The following C3orf49 variants were observed in gnomAD, a reference collection of about 807,000 sequenced individuals.
The protein encoded by C3orf49 is chromosome 3 open reading frame 49, also known as putative uncharacterized protein C3orf49.
A neutral mutation model predicts 13.3 loss-of-function variants in C3orf49; 27 were observed. The ratio of observed to expected loss-of-function variants is 2.02; its 90% CI spans 1.49 to 2.79. The LOEUF (loss-of-function observed/expected upper bound fraction) is 2.79, where lower values mean the gene tolerates loss of function less well. C3orf49 is among the 30% of genes most tolerant of loss of function. The probability of loss-of-function intolerance (pLI) is 0.00; values close to 1 mark genes in which losing one functional copy is unlikely to be tolerated. For synonymous variants in C3orf49, 87 were observed against 47.6 expected, an observed-to-expected ratio of 1.83 and a Z score of -3.40; for missense variants, 242 against 134.2, an observed-to-expected ratio of 1.80 and a Z score of -3.97.
intron 3 of C3orf49, among the ~76,000 whole-genome samples, chr3:63,830,154 G>A (rs1701514310): frequency 2.0e-5 from 3 of 152,166 alleles, no homozygotes; most frequent in African/African-American, 7.2e-5. Flanking sequence ...GTCCATACCA[G>A]CCCCAACTAG....
intron 5 of C3orf49, chr3:63,838,321 C>T: frequency 7.8e-7 from 1 of 1,286,432 alleles, no homozygotes; most frequent in Non-Finnish European, 1.1e-6. Context: ...GTATTGTTTC[C>T]TTTAGACCAT....
At chr3:63,802,909 CACAG>C in the C3orf49 span, among the ~76,000 whole-genome samples, 4 of 152,126 alleles carry the variant, frequency 2.6e-5, no homozygotes, top group Admixed American at 2.0e-4. Flanking sequence ...GACACACACA[CACAG>C]ACACACACAC....
chr3:63,812,674 C>T, the C3orf49 span, among the ~76,000 whole-genome samples: 10 of 151,954 alleles, frequency 6.6e-5, no homozygotes, highest in Non-Finnish European at 1.2e-4. Context: ...TTGAATTCAT[C>T]AATTGAGTTG....
chr3:63,786,184 G>C, the C3orf49 span: 3 of 152,044 alleles, frequency 2.0e-5, no homozygotes, highest in African/African-American at 7.2e-5. Flanking sequence ...TGTGCTCTGA[G>C]CCCATTCCCA....
At chr3:63,810,787 A>C in the C3orf49 span, among the ~76,000 whole-genome samples, 1 of 152,240 alleles carries the variant, frequency 6.6e-6, no homozygotes, top group African/African-American at 2.4e-5. Flanking sequence ...ATCCCTTAAC[A>C]TACGATAATC....
chr3:63,846,941 C>A (rs1701910734), intron 6 of C3orf49, among the ~76,000 whole-genome samples: 1 of 152,100 alleles, frequency 6.6e-6, no homozygotes, highest in Admixed American at 6.5e-5. Context: ...CCATGACAAC[C>A]AGCAACCTAG....
At chr3:63,796,637 C>A in the C3orf49 span, among the ~76,000 whole-genome samples, 2 of 152,110 alleles carry the variant, frequency 1.3e-5, no homozygotes, top group Non-Finnish European at 2.9e-5. Flanking sequence ...CACTATATGA[C>A]TTTATAGATA....
At chr3:63,789,622 C>A in the C3orf49 span, among the ~76,000 whole-genome samples, 1 of 151,660 alleles carries the variant, frequency 6.6e-6, no homozygotes, top group Non-Finnish European at 1.5e-5. Context: ...ACCGTCCTGG[C>A]CAACATGGAG....
At chr3:63,815,657 C>T (rs72888206), upstream of C3orf49, among the ~76,000 whole-genome samples, 11,986 of 152,214 alleles carry the variant, frequency 0.079, 1,060 homozygotes, top group African/African-American at 0.22. Context: ...TCACTTCAAA[C>T]ACCACCTCCT....
At chr3:63,811,959 G>T in the C3orf49 span, among the ~76,000 whole-genome samples, 1 of 151,802 alleles carries the variant, frequency 6.6e-6, no homozygotes, top group Non-Finnish European at 1.5e-5. Context: ...GTTGAACTCT[G>T]TTCATGGAGA....
At chr3:63,786,978 A>G in the C3orf49 span, 1 of 152,236 alleles carries the variant, frequency 6.6e-6, no homozygotes, top group East Asian at 1.9e-4. Flanking sequence ...AAGAGAATTA[A>G]TATCAAGAGT....
At chr3:63,839,817 T>G (rs1257900963) in intron 5 of C3orf49, 1 of 1,509,730 alleles carries the variant, frequency 6.6e-7, no homozygotes, top group African/African-American at 1.4e-5. Context: ...TCTTGGTAAC[T>G]TTCAAGTACA....
intron 5 of C3orf49, chr3:63,838,535 T>A: frequency 1.3e-6 from 2 of 1,569,938 alleles, no homozygotes; most frequent in Non-Finnish European, 1.7e-6. Context: ...ATAAAGATAT[T>A]TGTGGACTGA....
the C3orf49 span, among the ~76,000 whole-genome samples, chr3:63,792,686 A>C: frequency 3.3e-5 from 5 of 152,352 alleles, no homozygotes; most frequent in African/African-American, 9.6e-5. Context: ...GGAAGAACAC[A>C]GATAATACAA....
the C3orf49 span, among the ~76,000 whole-genome samples, chr3:63,792,250 T>C: frequency 2.0e-5 from 3 of 152,238 alleles, 1 homozygote; most frequent in South Asian, 6.2e-4. Context: ...TTGTTAAAAC[T>C]GTGATTGTGG....
chr3:63,843,675 C>T (rs1403439263), intron 5 of C3orf49, among the ~76,000 whole-genome samples: 3 of 151,996 alleles, frequency 2.0e-5, no homozygotes, highest in Non-Finnish European at 2.9e-5. Context: ...CCAAGGTGGG[C>T]GCATCACGAG....
At chr3:63,806,215 T>C in the C3orf49 span, among the ~76,000 whole-genome samples, 1 of 152,238 alleles carries the variant, frequency 6.6e-6, no homozygotes, top group Non-Finnish European at 1.5e-5. Context: ...GCTTCCACAC[T>C]GGATTCCTGA....
chr3:63,795,052 C>T, the C3orf49 span, among the ~76,000 whole-genome samples: 1 of 152,198 alleles, frequency 6.6e-6, no homozygotes, highest in African/African-American at 2.4e-5. Flanking sequence ...TGAATTGTTG[C>T]TGTTCACAAC....
chr3:63,787,003 G>A, the C3orf49 span: 5 of 152,190 alleles, frequency 3.3e-5, no homozygotes, highest in African/African-American at 1.2e-4. Context: ...TACCCTGAGT[G>A]CTATTTACTT....
Sources: allele counts gnomAD v4.1 joint callset (sites outside exome capture counted in the v4.1 genomes callset), GRCh38; gene constraint gnomAD v4.1.1; transcripts MANE v1.5; gene names NCBI Gene and HGNC (gene_info 2026-07-23, HGNC 2026-07-21).